SLC41A2: variants seen among roughly 807,000 people sequenced by gnomAD.
SLC41A2 encodes solute carrier family 41 member 2, also known as SLC41A1-like 1.
A neutral mutation model predicts 58.3 loss-of-function variants in SLC41A2; 32 were observed. That is an observed-to-expected ratio of 0.55 (90% confidence interval 0.41 to 0.74). SLC41A2 has a LOEUF of 0.74. SLC41A2 is among the 30% of genes least tolerant of loss of function. SLC41A2 has a pLI of 0.00. For missense variants in SLC41A2, 514 were observed against 680.6 expected, an observed-to-expected ratio of 0.76 and a Z score of 2.72; for synonymous variants, 190 against 235.0, an observed-to-expected ratio of 0.81 and a Z score of 1.75.
intron 3 of SLC41A2, among the ~76,000 whole-genome samples, chr12:104,901,178 G>C (rs2045542160): frequency 6.6e-6 from 1 of 152,020 alleles, no homozygotes; most frequent in Non-Finnish European, 1.5e-5. Flanking sequence ...TTGCTCCTGG[G>C]AAATAGTTTT....
chr12:104,821,939 T>G (rs1361863141), intron 10 of SLC41A2, among the ~76,000 whole-genome samples: 1 of 152,228 alleles, frequency 6.6e-6, no homozygotes, highest in Non-Finnish European at 1.5e-5. Flanking sequence ...ATATCATCAT[T>G]CTTGGCTGGG....
chr12:104,907,303 C>G (rs1489798306), intron 3 of SLC41A2, among the ~76,000 whole-genome samples: 1 of 150,896 alleles, frequency 6.6e-6, no homozygotes, highest in African/African-American at 2.4e-5. Flanking sequence ...GCCCAAGGAG[C>G]TCCTATTATT....
At chr12:104,840,251 G>T (rs1433479384) in intron 10 of SLC41A2, among the ~76,000 whole-genome samples, 1 of 152,204 alleles carries the variant, frequency 6.6e-6, no homozygotes, top group Non-Finnish European at 1.5e-5. Flanking sequence ...GAGCATCCGA[G>T]TAAGTAGATG....
chr12:104,823,054 T>C (rs2041701477), intron 10 of SLC41A2, among the ~76,000 whole-genome samples: 2 of 152,052 alleles, frequency 1.3e-5, no homozygotes, highest in Admixed American at 1.3e-4. Flanking sequence ...AATTAACATA[T>C]TGGAAAAAGC....
intron 6 of SLC41A2, among the ~76,000 whole-genome samples, chr12:104,880,388 T>C (rs750000706): frequency 6.6e-6 from 1 of 152,230 alleles, no homozygotes; most frequent in Non-Finnish European, 1.5e-5. Flanking sequence ...ATCCCTGTCT[T>C]GTCACACTTT....
chr12:104,864,175 A>G (rs1486876550), intron 7 of SLC41A2, among the ~76,000 whole-genome samples: 1 of 152,158 alleles, frequency 6.6e-6, no homozygotes, highest in East Asian at 1.9e-4. Flanking sequence ...TTACAGAAAA[A>G]TGAACCACAT....
chr12:104,901,783 A>G (rs1023109200), intron 3 of SLC41A2, among the ~76,000 whole-genome samples: 3 of 152,126 alleles, frequency 2.0e-5, no homozygotes, highest in African/African-American at 4.8e-5. Flanking sequence ...TTTTATTGAA[A>G]TATCTTTTTA....
chr12:104,949,164 G>A (rs1043433711), intron 1 of SLC41A2, among the ~76,000 whole-genome samples: 6 of 152,138 alleles, frequency 3.9e-5, no homozygotes, highest in Non-Finnish European at 7.4e-5. Flanking sequence ...GTTGCGGTGA[G>A]CCAAGATCAC....
intron 10 of SLC41A2, among the ~76,000 whole-genome samples, chr12:104,826,800 G>A (rs1381537432): frequency 2.6e-5 from 4 of 152,190 alleles, no homozygotes; most frequent in Non-Finnish European, 5.9e-5. Flanking sequence ...GAACTCTCCT[G>A]GAGAGACATT....
At chr12:104,888,493 A>C (rs993385826) in intron 5 of SLC41A2, among the ~76,000 whole-genome samples, 11 of 152,136 alleles carry the variant, frequency 7.2e-5, no homozygotes, top group Admixed American at 2.0e-4. Flanking sequence ...CCCAAATAAA[A>C]GTTCTAAAGT....
chr12:104,883,253 A>C (rs2044478107), intron 6 of SLC41A2, among the ~76,000 whole-genome samples: 1 of 152,112 alleles, frequency 6.6e-6, no homozygotes. Flanking sequence ...GCTTCCTTGC[A>C]ATGGGTTTGA....
intron 6 of SLC41A2, among the ~76,000 whole-genome samples, chr12:104,878,252 T>A (rs914041120): frequency 6.7e-6 from 1 of 150,346 alleles, no homozygotes; most frequent in South Asian, 2.1e-4. Flanking sequence ...TATAAATGAC[T>A]TAATGGTAAT....
chr12:104,898,603 T>G (rs2045410400), intron 3 of SLC41A2, among the ~76,000 whole-genome samples: 1 of 152,030 alleles, frequency 6.6e-6, no homozygotes, highest in African/African-American at 2.4e-5. Flanking sequence ...CCATTGTTAC[T>G]TCCAAGTGTT....
chr12:104,852,794 A>G (rs2042849886), intron 8 of SLC41A2, among the ~76,000 whole-genome samples: 1 of 152,198 alleles, frequency 6.6e-6, no homozygotes, highest in African/African-American at 2.4e-5. Context: ...ATCATTGGTT[A>G]TATTTTTAAA....
intron 2 of SLC41A2, among the ~76,000 whole-genome samples, chr12:104,911,173 CT>C (rs1392166304): frequency 6.6e-6 from 1 of 152,206 alleles, no homozygotes; most frequent in African/African-American, 2.4e-5. Flanking sequence ...TCCCACATTT[CT>C]GAACCAAACC....
chr12:104,880,527 G>C (rs1035393390), intron 6 of SLC41A2, among the ~76,000 whole-genome samples: 14 of 152,074 alleles, frequency 9.2e-5, no homozygotes, highest in African/African-American at 3.4e-4. Flanking sequence ...TAGCATGAAG[G>C]GCTGTTGAAT....
At chr12:104,811,652 T>C (rs2041178815) in intron 10 of SLC41A2, among the ~76,000 whole-genome samples, 1 of 152,218 alleles carries the variant, frequency 6.6e-6, no homozygotes, top group East Asian at 1.9e-4. Context: ...GGTAAATACA[T>C]TGTTATCTTA....
intron 10 of SLC41A2, among the ~76,000 whole-genome samples, chr12:104,809,815 T>G (rs1443287105): frequency 6.6e-6 from 1 of 152,130 alleles, no homozygotes; most frequent in Non-Finnish European, 1.5e-5. Context: ...GATGTCAAGT[T>G]CTATCACTAA....
intron 10 of SLC41A2, among the ~76,000 whole-genome samples, chr12:104,827,683 G>A (rs1339147246): frequency 5.3e-5 from 8 of 151,976 alleles, no homozygotes; most frequent in Non-Finnish European, 1.0e-4. Flanking sequence ...AACTCCAAAC[G>A]GTCAGGCAAC....
Sources: allele counts gnomAD v4.1 joint callset (sites outside exome capture counted in the v4.1 genomes callset), GRCh38; gene constraint gnomAD v4.1.1; transcripts MANE v1.5; gene names NCBI Gene and HGNC (gene_info 2026-07-23, HGNC 2026-07-21).